The following KHDRBS2 variants were observed in gnomAD, a reference collection of about 807,000 sequenced individuals.
KHDRBS2 encodes KH RNA binding domain containing, signal transduction associated 2, also known as KH domain-containing, RNA-binding, signal transduction-associated protein 2.
In KHDRBS2, 26 loss-of-function variants were observed where a neutral mutation model predicts 44.3. The ratio of observed to expected loss-of-function variants is 0.59; its 90% CI spans 0.43 to 0.81. The LOEUF (loss-of-function observed/expected upper bound fraction) is 0.81, where lower values mean the gene tolerates loss of function less well. Among genes scored for constraint, KHDRBS2 ranks in the 40% least tolerant of loss-of-function variants. The pLI is 0.00. For synonymous variants in KHDRBS2, 194 were observed against 151.1 expected (o/e 1.28, Z -2.08); for missense variants, 476 against 433.1 (o/e 1.10, Z -0.88).
intron 2 of KHDRBS2, among the ~76,000 whole-genome samples, chr6:62,051,558 C>A (rs1789049766): frequency 1.3e-5 from 2 of 151,780 alleles, no homozygotes; most frequent in Admixed American, 6.6e-5. Context: ...GGTTCAAAAC[C>A]TCTGAAGGCT....
chr6:61,974,866 G>GGTTGCAGTGAGCCGAGATC (rs1405319795), intron 4 of KHDRBS2, among the ~76,000 whole-genome samples: 1 of 151,844 alleles, frequency 6.6e-6, no homozygotes, highest in Non-Finnish European at 1.5e-5. Context: ...AGGAGGTGGA[G>GGTTGCAGTGAGCCGAGATC]GTTGCAGTGA....
chr6:61,831,082 T>C (rs1364686828), intron 6 of KHDRBS2, among the ~76,000 whole-genome samples: 2 of 152,130 alleles, frequency 1.3e-5, no homozygotes, highest in Non-Finnish European at 2.9e-5. Flanking sequence ...GCACTGAACA[T>C]AATAACAGGT....
At chr6:61,694,452 C>CA (rs1396942413) in intron 8 of KHDRBS2, among the ~76,000 whole-genome samples, 2 of 152,206 alleles carry the variant, frequency 1.3e-5, no homozygotes, top group Admixed American at 1.3e-4. Context: ...TACCTATATG[C>CA]AAATTTTCAA....
intron 2 of KHDRBS2, among the ~76,000 whole-genome samples, chr6:62,175,656 A>G (rs1732058539): frequency 6.6e-6 from 1 of 151,608 alleles, no homozygotes; most frequent in South Asian, 2.1e-4. Context: ...TTTGCTGGTG[A>G]TCCGTGGTCC....
intron 1 of KHDRBS2, among the ~76,000 whole-genome samples, chr6:62,244,059 A>G (rs1835129320): frequency 6.6e-6 from 1 of 152,162 alleles, no homozygotes; most frequent in Admixed American, 6.6e-5. Context: ...GTCTTAGAAC[A>G]AAACAAAAAC....
chr6:61,813,782 G>A (rs1029552345), intron 6 of KHDRBS2, among the ~76,000 whole-genome samples: 1 of 152,056 alleles, frequency 6.6e-6, no homozygotes, highest in Non-Finnish European at 1.5e-5. Context: ...TTAACTCATT[G>A]TCTGGAATAA....
chr6:61,754,565 CTT>C (rs201477122), intron 6 of KHDRBS2, among the ~76,000 whole-genome samples: 448 of 133,122 alleles, frequency 3.4e-3, no homozygotes, highest in African/African-American at 4.8e-3. Flanking sequence ...ATGTTTTATG[CTT>C]TTTTTTTTTT....
At chr6:61,835,782 G>T (rs1015671921) in intron 6 of KHDRBS2, among the ~76,000 whole-genome samples, 2 of 151,064 alleles carry the variant, frequency 1.3e-5, no homozygotes, top group African/African-American at 4.9e-5. Context: ...AGACTTCTAA[G>T]ACAAATTTCA....
chr6:62,114,762 T>C (rs984615918), intron 2 of KHDRBS2, among the ~76,000 whole-genome samples: 3 of 147,570 alleles, frequency 2.0e-5, no homozygotes, highest in South Asian at 2.1e-4. Flanking sequence ...TTAGTAAATG[T>C]TGGCTCCAGA....
At chr6:62,168,372 T>G (rs1413497309) in intron 2 of KHDRBS2, among the ~76,000 whole-genome samples, 7 of 152,132 alleles carry the variant, frequency 4.6e-5, no homozygotes, top group Admixed American at 2.6e-4. Flanking sequence ...AGAGATACTT[T>G]TAAAGGCACT....
intron 2 of KHDRBS2, among the ~76,000 whole-genome samples, chr6:62,125,297 G>T (rs765322382): frequency 6.6e-6 from 1 of 152,162 alleles, no homozygotes; most frequent in Non-Finnish European, 1.5e-5. Flanking sequence ...CATAGTGGGA[G>T]GATTTAGACC....
chr6:62,036,358 T>C (rs1785284747), intron 3 of KHDRBS2, among the ~76,000 whole-genome samples: 1 of 151,858 alleles, frequency 6.6e-6, no homozygotes, highest in South Asian at 2.1e-4. Flanking sequence ...TAAAGTAATT[T>C]AGAAAGGGAA....
intron 8 of KHDRBS2, among the ~76,000 whole-genome samples, chr6:61,686,814 CTT>C (rs201707622): frequency 0.025 from 3,747 of 151,310 alleles, 73 homozygotes; most frequent in Middle Eastern, 0.082. Flanking sequence ...TAAAACAAGA[CTT>C]AATTTATTTT....
At chr6:62,273,140 T>C (rs1840350328) in intron 1 of KHDRBS2, among the ~76,000 whole-genome samples, 1 of 152,182 alleles carries the variant, frequency 6.6e-6, no homozygotes, top group Non-Finnish European at 1.5e-5. Context: ...GCCTCTCTCA[T>C]TTTACTGTCC....
At chr6:61,665,232 T>TA in the KHDRBS2 span, among the ~76,000 whole-genome samples, 1 of 151,530 alleles carries the variant, frequency 6.6e-6, no homozygotes, top group African/African-American at 2.4e-5. Flanking sequence ...TTTTAGGAAA[T>TA]AGAGTATTGG....
chr6:61,775,481 A>G (rs1435001112), intron 6 of KHDRBS2, among the ~76,000 whole-genome samples: 1 of 152,330 alleles, frequency 6.6e-6, no homozygotes, highest in East Asian at 1.9e-4. Context: ...AATCACAAGC[A>G]TTCTTATACA....
chr6:61,815,079 C>T (rs1788699827), intron 6 of KHDRBS2, among the ~76,000 whole-genome samples: 1 of 151,892 alleles, frequency 6.6e-6, no homozygotes, highest in Admixed American at 6.6e-5. Context: ...ATGTTTAGTA[C>T]AGGCACAACC....
chr6:62,105,402 G>C (rs907835340), intron 2 of KHDRBS2, among the ~76,000 whole-genome samples: 3 of 152,138 alleles, frequency 2.0e-5, no homozygotes, highest in Admixed American at 6.5e-5. Context: ...GAATCCATCT[G>C]GTCCTGGAGT....
intron 8 of KHDRBS2, among the ~76,000 whole-genome samples, chr6:61,683,252 T>C (rs1446402705): frequency 6.6e-6 from 1 of 151,882 alleles, no homozygotes; most frequent in East Asian, 1.9e-4. Flanking sequence ...TAAATTGACA[T>C]AAACCTAGGG....
Sources: allele counts gnomAD v4.1 joint callset (sites outside exome capture counted in the v4.1 genomes callset), GRCh38; gene constraint gnomAD v4.1.1; transcripts MANE v1.5; gene names NCBI Gene and HGNC (gene_info 2026-07-23, HGNC 2026-07-21).